The following PHF12 variants were observed in gnomAD, a reference collection of about 807,000 sequenced individuals.
PHF12 encodes PHD factor 1.
PHF12 carries 6 observed loss-of-function variants against 99.8 expected under a neutral mutation model. That is an observed-to-expected ratio of 0.06 (90% CI 0.03 to 0.12). The LOEUF is 0.12. Ranked by LOEUF, PHF12 falls within the 10% of genes least tolerant of loss-of-function variation. PHF12 has a pLI of 1.00. For synonymous variants in PHF12, 480 were observed against 514.9 expected (o/e 0.93, Z 0.92); for missense variants, 954 against 1,300.1 (o/e 0.73, Z 4.09).
rs561144385 is a variant in PHF12 at position 28,934,610 on chromosome 17, A to AT, written c.249-7548dup. On this transcript the variant is annotated intron_variant, in intron 2 of 14. Transcript: ENST00000332830. ...TCTTTTCTTTCTTTTTTTCTTTTCT[A>AT]TTTTTTTTTTTTTTTTTTGAGATGG... is the stretch of plus-strand genomic sequence containing the variant. Among the ~76,000 whole-genome samples the AT allele has an allele frequency of 9.2e-3, 1,165 of 126,488 alleles. 10 individuals carry two copies. Among genetic ancestry groups the AT allele is most frequent in the South Asian group, 0.028 (114 of 4,022 alleles). The allele number at this position is 126,488 out of a possible 152,430, so 83.0% of individuals were successfully genotyped here.
At position 28,906,167 on chromosome 17, in the gene PHF12, G is replaced by A. The variant is rs771314052; in HGVS notation, c.*16C>T. The A allele has an allele frequency of 1.0e-5, 16 of 1,551,838 alleles. No homozygotes were observed. Among genetic ancestry groups the A allele is most frequent in the Admixed American group, 3.5e-5 (2 of 57,110 alleles). On this transcript the variant is annotated 3_prime_UTR_variant, in exon 15 of 15. Transcript: ENST00000332830. This position sits in a 1 kb window ranked among gnomAD's most constrained non-coding sequence, Gnocchi z 4.2. ...TTGGGTGGGTGTACAGGCCAGTGGCGGGGTAGCCGCCAGTCCTAAGGAACA... is the reference window on the plus strand; with the variant it reads ...TTGGGTGGGTGTACAGGCCAGTGGCAGGGTAGCCGCCAGTCCTAAGGAACA...
intron 2 of PHF12, among the ~76,000 whole-genome samples, chr17:28,928,608 C>T (rs2040329266): frequency 6.6e-6 from 1 of 152,022 alleles, no homozygotes; most frequent in Non-Finnish European, 1.5e-5. Context: ...ACGGTGAAAC[C>T]CCATCTCTAT....
intron 7 of PHF12, among the ~76,000 whole-genome samples, chr17:28,916,395 C>T (rs2040062685): frequency 6.6e-6 from 1 of 152,188 alleles, no homozygotes; most frequent in African/African-American, 2.4e-5. Context: ...GGGGTTTCAC[C>T]ACGTTGGTCA....
In PHF12 at chr17:28,905,336, T is replaced by C. The variant is rs2039854246; in HGVS notation, c.*847A>G. ...TTACAATTACTATGTACATTGGTAC[T>C]GGTTGTGGGGGTGGGAGGAGAGGAG... On this transcript the variant is annotated 3_prime_UTR_variant, in exon 15 of 15. Transcript: ENST00000332830. 6.5e-6 allele frequency: 1 copy of C among 152,732 alleles called. No individual in the cohort carries two copies. Among genetic ancestry groups the C allele is most frequent in the Admixed American group, 6.5e-5 (1 of 15,272 alleles). The allele number at this position is 152,732 out of a possible 1,614,324, so 9.5% of individuals were successfully genotyped here. A position where few individuals can be genotyped will look rare whatever the true frequency, so the allele number is the denominator to read the frequency against.
At chr17:28,941,771 C>A (rs954824336) in intron 2 of PHF12, among the ~76,000 whole-genome samples, 3 of 152,048 alleles carry the variant, frequency 2.0e-5, no homozygotes, top group Non-Finnish European at 4.4e-5. Flanking sequence ...CCACGCCCAG[C>A]TAATTTTGTA....
Position 28,950,625 on chromosome 17 carries a change from G to T in PHF12, c.66+270C>A. 1.8e-6 allele frequency: 1 copy of T among 543,594 alleles called. No individual in the cohort carries two copies. The highest frequency in any genetic ancestry group is 3.2e-6 in the Non-Finnish European group (1 of 312,680). The allele number at this position is 543,594 out of a possible 1,614,324, so 33.7% of individuals were successfully genotyped here. A position where few individuals can be genotyped will look rare whatever the true frequency, so the allele number is the denominator to read the frequency against. ...GCACAAAGGGGCCAACAAGAAGGGG[G>T]TGGGGAGGCCTGCCGGTGCAACGAG... On this transcript the variant is annotated intron_variant, in intron 1 of 14. Coordinates refer to ENST00000332830, the MANE Select transcript of PHF12 (RefSeq NM_001033561.2). The surrounding 1 kb of genome is among the most constrained non-coding windows in gnomAD (Gnocchi z 5.7).
At chr17:28,924,553 A>G (rs754511735) in intron 3 of PHF12, 34 of 562,750 alleles carry the variant, frequency 6.0e-5, no homozygotes, top group South Asian at 1.0e-4. Flanking sequence ...TACAAAATAT[A>G]TATCATTAAC....
In PHF12 at chr17:28,945,572, G is replaced by A. The variant is rs139314587; in HGVS notation, c.248+4493C>T. Among the ~76,000 whole-genome samples the A allele has an allele frequency of 2.1e-3, 323 of 152,292 alleles. 2 individuals carry two copies. Among genetic ancestry groups the A allele is most frequent in the Middle Eastern group, 0.01 (3 of 294 alleles). On this transcript the variant is annotated intron_variant, in intron 2 of 14. Transcript: ENST00000332830. ...TCAGACCATTTTGGTCCCTCAGTCT[G>A]TTTGGAGCAAAATGCCATAAGAAGG...
chr17:28,909,863 T>C, intron 11 of PHF12: 1 of 588,878 alleles, frequency 1.7e-6, no homozygotes, highest in Admixed American at 3.0e-5. Flanking sequence ...AGTGCTGGGA[T>C]TACAGGTGTG....
At chr17:28,908,134 T>C (rs1271890914) in intron 12 of PHF12, 3 of 164,922 alleles carry the variant, frequency 1.8e-5, no homozygotes, top group South Asian at 3.0e-4. Flanking sequence ...TAACTGAAGA[T>C]TGGGTATGTG....
At chr17:28,930,993 G>A (rs1169583512) in intron 2 of PHF12, among the ~76,000 whole-genome samples, 2 of 152,146 alleles carry the variant, frequency 1.3e-5, no homozygotes, top group African/African-American at 2.4e-5. Context: ...GATCACTTGA[G>A]CCTGGGAGGT....
rs1341067654 is a variant in PHF12, at chr17:28,913,876, C to T, written c.1293+3G>A. 6.3e-7 allele frequency: 1 copy of T among 1,595,058 alleles called. No homozygotes were observed. The highest frequency in any genetic ancestry group is 1.7e-5 in the Admixed American group (1 of 59,416). On this transcript the variant is annotated splice_donor_region_variant and intron_variant, in intron 8 of 14. Coordinates refer to ENST00000332830, the MANE Select transcript of PHF12 (RefSeq NM_001033561.2). ...TTGGAATCCCCGCCCCACCTTCACT[C>T]ACCTCTTGCTGCTCTGCTTGGGTGG... is the stretch of plus-strand genomic sequence containing the variant.
At position 28,951,398 on chromosome 17, in the gene PHF12, C is replaced by T; in HGVS notation, c.-438G>A. The T allele has an allele frequency of 1.0e-6, 1 of 988,166 alleles. No individual in the cohort carries two copies. Among genetic ancestry groups the T allele is most frequent in the Non-Finnish European group, 1.2e-6 (1 of 831,718 alleles). 61.2% of individuals were successfully genotyped at this position (988,166 alleles called of 1,614,324 possible). A position where few individuals can be genotyped will look rare whatever the true frequency, so the allele number is the denominator to read the frequency against. ...TGGGGGGAGGGTGATGGGGGGTGGT[C>T]CCCGGGCTCCGCCTCTCGCCGCCGC... On this transcript the variant is annotated 5_prime_UTR_variant, in exon 1 of 15. Coordinates refer to ENST00000332830, the MANE Select transcript of PHF12 (RefSeq NM_001033561.2).
chr17:28,949,778 C>T lies in PHF12; in HGVS notation c.248+287G>A, dbSNP rs1044871538. The T allele has an allele frequency of 3.3e-6, 1 of 305,636 alleles. No individual in the cohort carries two copies. The highest frequency in any genetic ancestry group is 6.0e-6 in the Non-Finnish European group (1 of 166,616). 18.9% of individuals were successfully genotyped at this position (305,636 alleles called of 1,614,324 possible). A position where few individuals can be genotyped will look rare whatever the true frequency, so the allele number is the denominator to read the frequency against. On this transcript the variant is annotated intron_variant, in intron 2 of 14. Transcript: ENST00000332830. The surrounding 1 kb of genome is among the most constrained non-coding windows in gnomAD (Gnocchi z 4.6). ...TTCCTCCCCCGCCACTGCCGGCTGTCCCCGGCCGGCTCTGTCCCGGCTCCC... is the reference window on the plus strand; with the variant it reads ...TTCCTCCCCCGCCACTGCCGGCTGTTCCCGGCCGGCTCTGTCCCGGCTCCC...
At chr17:28,919,058 C>T in intron 6 of PHF12, 85 bp downstream of exon 6, 2 of 1,483,354 alleles carry the variant, frequency 1.3e-6, no homozygotes, top group South Asian at 2.8e-5. Context: ...AACTTGGCAC[C>T]AAGCTGACCT....
At chr17:28,939,491 G>GA (rs1260057033) in intron 2 of PHF12, among the ~76,000 whole-genome samples, 1 of 152,214 alleles carries the variant, frequency 6.6e-6, no homozygotes, top group Non-Finnish European at 1.5e-5. Context: ...GTTCACTGTA[G>GA]AGTTTCCCTC....
In PHF12 at chr17:28,951,206, G is replaced by C. The variant is rs938050662; in HGVS notation, c.-246C>G. The C allele has an allele frequency of 1.1e-4, 151 of 1,371,198 alleles. No homozygotes were observed. Among genetic ancestry groups the C allele is most frequent in the Non-Finnish European group, 1.3e-4 (142 of 1,064,068 alleles). 84.9% of individuals were successfully genotyped at this position (1,371,198 alleles called of 1,614,324 possible). A position where few individuals can be genotyped will look rare whatever the true frequency, so the allele number is the denominator to read the frequency against. The stretch of plus-strand genomic sequence containing the variant: ...GGCCCGGCTGCTGGCTGCACAGTGG[G>C]TCCCGGCTCCGGGGGTCAGGCCTCG... On this transcript the variant is annotated 5_prime_UTR_variant, in exon 1 of 15. Transcript: ENST00000332830.
chr17:28,924,574 T>C (rs546429158), intron 3 of PHF12: 7 of 510,634 alleles, frequency 1.4e-5, no homozygotes, highest in Non-Finnish European at 2.5e-5. Context: ...ATTAACTCAT[T>C]GTATGACATA....
At chr17:28,908,909 A>G (rs750677356) in intron 11 of PHF12, 28 bp from the exon 12 acceptor site, 1 of 1,585,678 alleles carries the variant, frequency 6.3e-7, no homozygotes, top group Non-Finnish European at 8.6e-7. Flanking sequence ...GAATAGGATC[A>G]TTCAGAAACT....
Sources: allele counts gnomAD v4.1 joint callset (sites outside exome capture counted in the v4.1 genomes callset), GRCh38; gene constraint gnomAD v4.1.1; non-coding constraint Gnocchi (gnomAD v3.1); transcripts MANE v1.5; gene names NCBI Gene and HGNC (gene_info 2026-07-23, HGNC 2026-07-21).